Variants in ZMAT5 observed in about 807,000 individuals in gnomAD.
ZMAT5 encodes the protein zinc finger matrin-type 5, also known as zinc finger matrin-type protein 5.
Under a neutral mutation model 28.0 loss-of-function variants are expected in ZMAT5, and 23 were observed. The ratio of observed to expected loss-of-function variants is 0.82; its 90% CI spans 0.59 to 1.16. The LOEUF (loss-of-function observed/expected upper bound fraction) is 1.16. ZMAT5 is among the 50% of genes most tolerant of loss of function. ZMAT5 has a pLI of 0.00. For missense variants in ZMAT5, 173 were observed against 212.7 expected (o/e 0.81, Z 1.16); for synonymous variants, 76 against 84.1 (o/e 0.90, Z 0.52).
At position 29,742,404 on chromosome 22, in the gene ZMAT5, G is replaced by A. The variant is rs1173837922; in HGVS notation, c.190+14C>T. ...AGGTCCCCGCAGGGACCTGAGCTGT[G>A]CAGAGGACTTTACCTGTCAGTAGAA... On this transcript the variant is annotated intron_variant, in intron 3 of 5. Coordinates refer to ENST00000344318, the MANE Select transcript of ZMAT5 (RefSeq NM_001003692.2). 1.9e-6 allele frequency: 3 copies of A among 1,612,558 alleles called. No homozygotes were observed. Among genetic ancestry groups the A allele is most frequent in the Non-Finnish European group, 2.5e-6 (3 of 1,179,532 alleles).
intron 5 of ZMAT5, chr22:29,731,574 T>C: frequency 1.9e-6 from 1 of 519,784 alleles, no homozygotes. Context: ...AGGCAGACAT[T>C]GAGCTGCGAG....
chr22:29,733,245 G>A (rs1465736767), intron 5 of ZMAT5, among the ~76,000 whole-genome samples: 1 of 152,236 alleles, frequency 6.6e-6, no homozygotes, highest in East Asian at 1.9e-4. Flanking sequence ...GGCCCTGGCA[G>A]CTCCTGGCAG....
chr22:29,756,528 G>A (rs913180182), intron 1 of ZMAT5, among the ~76,000 whole-genome samples: 3 of 152,108 alleles, frequency 2.0e-5, no homozygotes, highest in Non-Finnish European at 2.9e-5. Context: ...CTAAGGCAGC[G>A]AGGGGCCCAC....
intron 5 of ZMAT5, among the ~76,000 whole-genome samples, chr22:29,733,190 C>T (rs1219351208): frequency 6.6e-6 from 1 of 152,244 alleles, no homozygotes; most frequent in Non-Finnish European, 1.5e-5. Flanking sequence ...TCCCTCTGCT[C>T]TGGCACACTC....
chr22:29,751,124 C>T (rs2068052075), intron 1 of ZMAT5, among the ~76,000 whole-genome samples: 1 of 152,142 alleles, frequency 6.6e-6, no homozygotes. Context: ...CCAAGCCATT[C>T]AGAAAGCTTG....
Position 29,731,193 on chromosome 22 carries a change from G to T in ZMAT5, c.*32C>A. The T allele has an allele frequency of 1.4e-6, 2 of 1,464,340 alleles. No individual in the cohort carries two copies. Among genetic ancestry groups the T allele is most frequent in the South Asian group, 3.0e-5 (2 of 66,024 alleles). 90.7% of individuals were successfully genotyped at this position (1,464,340 alleles called of 1,614,324 possible). On this transcript the variant is annotated 3_prime_UTR_variant, in exon 6 of 6. Transcript: ENST00000344318. The stretch of plus-strand genomic sequence containing the variant: ...TCCTATTGTGACTGATGAGAAAAGT[G>T]ACCACGTGGGGGTCAGTCGGGGGCA...
chr22:29,742,599 G>A, intron 2 of ZMAT5, 119 bp from the exon 3 acceptor site: 1 of 950,760 alleles, frequency 1.1e-6, no homozygotes, highest in Non-Finnish European at 1.6e-6. Flanking sequence ...AGAAAGAAGA[G>A]TTTCCTGTTC....
At chr22:29,757,927 G>T (rs959955639) in intron 1 of ZMAT5, among the ~76,000 whole-genome samples, 1 of 151,946 alleles carries the variant, frequency 6.6e-6, no homozygotes, top group Non-Finnish European at 1.5e-5. Flanking sequence ...TGAGGCAGGA[G>T]AATTGTTTGA....
At position 29,738,396 on chromosome 22, in the gene ZMAT5, G is replaced by A. The variant is rs1768919806; in HGVS notation, c.317C>T (p.Pro106Leu). The stretch of plus-strand genomic sequence containing the variant: ...CAGCCAGTCCTCCAGATGGCCCTCG[G>A]GGAGCTCAGGAGCATCTAGTAGCCA... ...REWLLDAPEL[P>L]EGHLEDWLEK... Residue 106 changes from proline to leucine, a missense_variant, in exon 5 of 6, where the codon CCC becomes CTC. Physicochemically the swap from Pro to Leu is moderately conservative, Grantham distance 98 (BLOSUM62 -3). Coordinates refer to ENST00000344318, the MANE Select transcript of ZMAT5 (RefSeq NM_001003692.2). 6.2e-7 allele frequency: 1 copy of A among 1,610,832 alleles called. No homozygotes were observed. The highest frequency in any genetic ancestry group is 8.5e-7 in the Non-Finnish European group (1 of 1,179,826).
chr22:29,739,478 C>T (rs2147219528), intron 4 of ZMAT5, among the ~76,000 whole-genome samples: 1 of 152,326 alleles, frequency 6.6e-6, no homozygotes, highest in East Asian at 1.9e-4. Flanking sequence ...CTTGCTTCAT[C>T]CTTAGAGACA....
At chr22:29,751,783 A>G (rs2068057175) in intron 1 of ZMAT5, among the ~76,000 whole-genome samples, 1 of 152,192 alleles carries the variant, frequency 6.6e-6, no homozygotes, top group Non-Finnish European at 1.5e-5. Context: ...CCTGGGCAAT[A>G]GAGTGAAACC....
chr22:29,741,509 C>G (rs2067962600), intron 3 of ZMAT5, among the ~76,000 whole-genome samples: 1 of 152,188 alleles, frequency 6.6e-6, no homozygotes, highest in African/African-American at 2.4e-5. Context: ...TGCCAGGAAG[C>G]TCAGAGCCAA....
chr22:29,736,820 T>A (rs1441973919), intron 5 of ZMAT5, among the ~76,000 whole-genome samples: 6 of 149,260 alleles, frequency 4.0e-5, no homozygotes, highest in Admixed American at 1.3e-4. Context: ...GGCAGGAGAT[T>A]GAGACCATCC....
At chr22:29,765,976 ATCTTG>A (rs2068207242) in intron 1 of ZMAT5, among the ~76,000 whole-genome samples, 1 of 152,154 alleles carries the variant, frequency 6.6e-6, no homozygotes. Flanking sequence ...TGCACATTAA[ATCTTG>A]TCGCATTTCT....
chr22:29,740,769 G>C, intron 3 of ZMAT5, 39 bp from the exon 4 acceptor site: 1 of 1,558,640 alleles, frequency 6.4e-7, no homozygotes, highest in Non-Finnish European at 8.7e-7. Flanking sequence ...GCTCGGGAGG[G>C]GCTCCCCACA....
chr22:29,735,698 G>A (rs1279649663), intron 5 of ZMAT5, among the ~76,000 whole-genome samples: 1 of 152,182 alleles, frequency 6.6e-6, no homozygotes, highest in African/African-American at 2.4e-5. Context: ...CAAAATGGGG[G>A]TGCCAATCTC....
chr22:29,758,806 T>C (rs1232359697), intron 1 of ZMAT5: 2 of 152,512 alleles, frequency 1.3e-5, no homozygotes, highest in African/African-American at 4.8e-5. Flanking sequence ...CACAACCAGA[T>C]ACAGATTTCT....
chr22:29,755,685 A>G (rs1224506087), intron 1 of ZMAT5, among the ~76,000 whole-genome samples: 1 of 152,226 alleles, frequency 6.6e-6, no homozygotes, highest in African/African-American at 2.4e-5. Context: ...AGCCATGGCC[A>G]GAAAGACTCT....
At chr22:29,757,599 C>T (rs928627578) in intron 1 of ZMAT5, among the ~76,000 whole-genome samples, 26 of 152,240 alleles carry the variant, frequency 1.7e-4, no homozygotes, top group Admixed American at 6.5e-4. Context: ...CTCCAAGCCC[C>T]CAGCAATCCC....
Sources: allele counts gnomAD v4.1 joint callset (sites outside exome capture counted in the v4.1 genomes callset), GRCh38; gene constraint gnomAD v4.1.1; transcripts MANE v1.5; gene names NCBI Gene and HGNC (gene_info 2026-07-23, HGNC 2026-07-21).